SH3BGR: variants seen among roughly 807,000 people sequenced by gnomAD.
SH3BGR encodes SH3 domain binding glutamate rich protein, also known as SH3 domain-binding glutamic acid-rich protein.
Under a neutral mutation model 24.5 loss-of-function variants are expected in SH3BGR, and 29 were observed. The observed-to-expected ratio is 1.18, with a 90% CI of 0.88 to 1.61. The LOEUF (loss-of-function observed/expected upper bound fraction) is 1.61. Ranked by LOEUF, SH3BGR falls within the 40% of genes most tolerant of loss-of-function variation. SH3BGR has a pLI of 0.00. For missense variants in SH3BGR, 162 were observed against 205.8 expected (o/e 0.79, Z 1.30); for synonymous variants, 55 against 65.7 (o/e 0.84, Z 0.79).
chr21:39,493,592 A>AT, intron 3 of SH3BGR, among the ~76,000 whole-genome samples: 1 of 152,082 alleles, frequency 6.6e-6, no homozygotes, highest in East Asian at 1.9e-4. Flanking sequence ...TGCTTTGGCT[A>AT]TGTGGGCTCT....
At chr21:39,468,926 T>A (rs971252133) in intron 2 of SH3BGR, among the ~76,000 whole-genome samples, 7 of 152,186 alleles carry the variant, frequency 4.6e-5, no homozygotes, top group Non-Finnish European at 8.8e-5. Flanking sequence ...TGTTTCAATT[T>A]CCTTAATGAA....
intron 1 of SH3BGR, among the ~76,000 whole-genome samples, chr21:39,461,118 C>T (rs181161962): frequency 3.3e-5 from 5 of 150,824 alleles, no homozygotes; most frequent in Admixed American, 3.3e-4. Flanking sequence ...AACATTACAA[C>T]TCATCTAGTT....
At chr21:39,477,795 G>A (rs897643842) in intron 3 of SH3BGR, among the ~76,000 whole-genome samples, 18 of 152,162 alleles carry the variant, frequency 1.2e-4, no homozygotes, top group African/African-American at 4.3e-4. Context: ...AGGGAATTTG[G>A]TTTTGATAAA....
At chr21:39,485,363 G>A (rs1311482608) in intron 3 of SH3BGR, among the ~76,000 whole-genome samples, 1 of 152,180 alleles carries the variant, frequency 6.6e-6, no homozygotes, top group African/African-American at 2.4e-5. Flanking sequence ...ATCGGGCAGG[G>A]AGAATAAGAG....
intron 2 of SH3BGR, among the ~76,000 whole-genome samples, chr21:39,466,664 A>G (rs950856462): frequency 4.6e-5 from 7 of 152,190 alleles, no homozygotes; most frequent in African/African-American, 1.4e-4. Flanking sequence ...GAAGATGGGG[A>G]AAAGCCCCTT....
chr21:39,473,414 T>A (rs999914308), intron 2 of SH3BGR, among the ~76,000 whole-genome samples: 1 of 152,240 alleles, frequency 6.6e-6, no homozygotes, highest in Non-Finnish European at 1.5e-5. Flanking sequence ...AAGTGTGTAC[T>A]CTGGGAATCA....
chr21:39,512,895 A>G (rs75281492), intron 6 of SH3BGR, among the ~76,000 whole-genome samples: 130 of 152,334 alleles, frequency 8.5e-4, no homozygotes, highest in African/African-American at 3.1e-3. Flanking sequence ...ACCTAGGTAC[A>G]TGTTGTATTA....
chr21:39,514,070 T>G (rs538842895), intron 6 of SH3BGR, among the ~76,000 whole-genome samples: 33 of 152,278 alleles, frequency 2.2e-4, no homozygotes, highest in African/African-American at 7.5e-4. Flanking sequence ...CCTAATAGTC[T>G]GTTGTGAGGT....
rs191978771 is a variant in SH3BGR, at chr21:39,500,546, C to T, written c.405+631C>T. On this transcript the variant is annotated intron_variant, in intron 4 of 6. Transcript: ENST00000333634. ...CTGACATAATAGGGGATGGGATGGG[C>T]CACTTCTTCAAGGAGTTCTGAAAAT... Among the ~76,000 whole-genome samples the T allele has an allele frequency of 1.9e-3, 287 of 152,052 alleles. 2 individuals carry two copies. The highest frequency in any genetic ancestry group is 6.7e-3 in the African/African-American group (278 of 41,468).
chr21:39,496,501 C>T (rs1039061137), intron 3 of SH3BGR, among the ~76,000 whole-genome samples: 89 of 99,632 alleles, frequency 8.9e-4, no homozygotes, highest in African/African-American at 3.0e-3. Context: ...AGCGAGACTC[C>T]GTCTCAAAAA....
At chr21:39,514,971 T>C in intron 6 of SH3BGR, 117 bp from the exon 7 acceptor site, 1 of 325,230 alleles carries the variant, frequency 3.1e-6, no homozygotes, top group Non-Finnish European at 6.2e-6. Context: ...TGATGACTAG[T>C]GGTTTATAGA....
chr21:39,451,731 C>T (rs1378304064), upstream of SH3BGR: 2 of 799,030 alleles, frequency 2.5e-6, no homozygotes, highest in African/African-American at 1.8e-5. Flanking sequence ...CCCTTGGCCC[C>T]AAGGCATCTC....
At chr21:39,470,898 C>T (rs2077928231) in intron 2 of SH3BGR, among the ~76,000 whole-genome samples, 1 of 151,794 alleles carries the variant, frequency 6.6e-6, no homozygotes, top group South Asian at 2.1e-4. Context: ...CAATGTCTTT[C>T]TTTCACCTTC....
chr21:39,514,967 C>A, intron 6 of SH3BGR, 121 bp from the exon 7 acceptor site: 1 of 317,654 alleles, frequency 3.1e-6, no homozygotes, highest in Non-Finnish European at 6.4e-6. Context: ...CAAATGATGA[C>A]TAGTGGTTTA....
chr21:39,468,822 C>G (rs2077887104), intron 2 of SH3BGR, among the ~76,000 whole-genome samples: 1 of 152,150 alleles, frequency 6.6e-6, no homozygotes. Context: ...GTTCCCATTG[C>G]AATTCCTTAT....
intron 4 of SH3BGR, among the ~76,000 whole-genome samples, chr21:39,504,150 T>C (rs1300814501): frequency 6.6e-6 from 1 of 152,206 alleles, no homozygotes; most frequent in Non-Finnish European, 1.5e-5. Flanking sequence ...AGTCATCCTA[T>C]CTGAAAGTCA....
chr21:39,474,795 C>G (rs1331802222), intron 2 of SH3BGR, among the ~76,000 whole-genome samples: 1 of 152,022 alleles, frequency 6.6e-6, no homozygotes, highest in Non-Finnish European at 1.5e-5. Flanking sequence ...TGCATAGGGC[C>G]AGATTATAAG....
At chr21:39,448,230 A>T (rs1208345596), upstream of SH3BGR, among the ~76,000 whole-genome samples, 1 of 152,224 alleles carries the variant, frequency 6.6e-6, no homozygotes, top group Non-Finnish European at 1.5e-5. Context: ...TTTCCAAATA[A>T]GGTTACATGC....
chr21:39,486,763 C>T (rs1446763676), intron 3 of SH3BGR, among the ~76,000 whole-genome samples: 1 of 152,188 alleles, frequency 6.6e-6, no homozygotes, highest in Admixed American at 6.5e-5. Flanking sequence ...GTCACCCAGG[C>T]TGGAGTGCAG....
Sources: allele counts gnomAD v4.1 joint callset (sites outside exome capture counted in the v4.1 genomes callset), GRCh38; gene constraint gnomAD v4.1.1; transcripts MANE v1.5; gene names NCBI Gene and HGNC (gene_info 2026-07-23, HGNC 2026-07-21).